MMP20: variants seen among roughly 807,000 people sequenced by gnomAD.
The protein encoded by MMP20 is matrix metalloproteinase-20.
In MMP20, 50 loss-of-function variants were observed where a neutral mutation model predicts 51.8. The observed-to-expected ratio is 0.97, with a 90% CI of 0.77 to 1.22. The LOEUF (loss-of-function observed/expected upper bound fraction) is 1.22. Among genes scored for constraint, MMP20 ranks in the 50% most tolerant of loss-of-function variants. MMP20 has a pLI of 0.00. For synonymous variants in MMP20, 244 were observed against 216.2 expected (o/e 1.13, Z -1.13); for missense variants, 663 against 601.4 (o/e 1.10, Z -1.07).
chr11:102,602,104 C>T (rs1291703765), intron 6 of MMP20, among the ~76,000 whole-genome samples: 3 of 139,872 alleles, frequency 2.1e-5, no homozygotes, highest in East Asian at 2.1e-4. Flanking sequence ...CGCCCACCAC[C>T]ACGCCCGGCT....
At chr11:102,612,805 C>T (rs1859620070) in intron 2 of MMP20, among the ~76,000 whole-genome samples, 1 of 142,740 alleles carries the variant, frequency 7.0e-6, no homozygotes, top group African/African-American at 2.6e-5. Context: ...GGCATGATCT[C>T]TGCTCACTGC....
chr11:102,592,721 A>T (rs1025423338), intron 8 of MMP20, among the ~76,000 whole-genome samples: 6 of 152,214 alleles, frequency 3.9e-5, no homozygotes, highest in African/African-American at 1.4e-4. Flanking sequence ...CAGGCAAAAA[A>T]GAGAAAACTG....
At chr11:102,581,642 G>A (rs1184130877) in intron 8 of MMP20, among the ~76,000 whole-genome samples, 1 of 152,306 alleles carries the variant, frequency 6.6e-6, no homozygotes, top group East Asian at 1.9e-4. Context: ...TGAATTCAGA[G>A]GACATGAAAT....
intron 8 of MMP20, among the ~76,000 whole-genome samples, chr11:102,583,025 T>C (rs1174520260): frequency 6.6e-6 from 1 of 152,224 alleles, no homozygotes; most frequent in Non-Finnish European, 1.5e-5. Flanking sequence ...GTTCAAGACC[T>C]GTATGTCCAA....
At chr11:102,584,349 C>T (rs77941986) in intron 8 of MMP20, among the ~76,000 whole-genome samples, 6,740 of 152,152 alleles carry the variant, frequency 0.044, 219 homozygotes, top group African/African-American at 0.09. Context: ...TATTTCACTG[C>T]GGGTTTCATT....
intron 6 of MMP20, among the ~76,000 whole-genome samples, chr11:102,601,473 C>G (rs914235278): frequency 6.6e-6 from 1 of 152,150 alleles, no homozygotes; most frequent in Admixed American, 6.5e-5. Flanking sequence ...TGCTGAATCT[C>G]TCTGGTTGTT....
At chr11:102,612,185 C>A (rs956717682) in intron 2 of MMP20, among the ~76,000 whole-genome samples, 2 of 152,136 alleles carry the variant, frequency 1.3e-5, no homozygotes, top group African/African-American at 4.8e-5. Context: ...AAATTTGTGG[C>A]CGGGCGCAGT....
chr11:102,617,112 A>G (rs1434493845), intron 1 of MMP20, 53 bp from the exon 2 acceptor site: 3 of 1,609,592 alleles, frequency 1.9e-6, no homozygotes, highest in Non-Finnish European at 2.6e-6. Context: ...GGAAATACTC[A>G]TGCTCAGGTA....
chr11:102,596,777 G>A (rs763540023), intron 6 of MMP20, among the ~76,000 whole-genome samples: 2 of 152,192 alleles, frequency 1.3e-5, no homozygotes, highest in Non-Finnish European at 1.5e-5. Context: ...GCTCAGTCTC[G>A]TGACCTCTGG....
chr11:102,585,391 T>C (rs1259599422), intron 8 of MMP20, among the ~76,000 whole-genome samples: 1 of 152,190 alleles, frequency 6.6e-6, no homozygotes, highest in African/African-American at 2.4e-5. Flanking sequence ...GCTTTCTTAA[T>C]TTCATTTTCA....
chr11:102,602,156 G>A (rs1859456484), intron 6 of MMP20, among the ~76,000 whole-genome samples: 1 of 126,696 alleles, frequency 7.9e-6, no homozygotes, highest in African/African-American at 3.0e-5. Flanking sequence ...TTTTAGTAGA[G>A]ACGGGGTTTC....
chr11:102,614,538 A>G (rs1013112928), intron 2 of MMP20, among the ~76,000 whole-genome samples: 6 of 152,266 alleles, frequency 3.9e-5, no homozygotes, highest in African/African-American at 1.4e-4. Flanking sequence ...TAAGAAAACT[A>G]TGAAAAGACT....
chr11:102,597,860 T>G (rs1859401111), intron 6 of MMP20, among the ~76,000 whole-genome samples: 1 of 152,096 alleles, frequency 6.6e-6, no homozygotes, highest in Non-Finnish European at 1.5e-5. Flanking sequence ...TTCCGCCTCC[T>G]GGGTTCAAGC....
chr11:102,594,527 T>TA, intron 7 of MMP20, 94 bp downstream of exon 7: 1 of 1,525,318 alleles, frequency 6.6e-7, no homozygotes, highest in East Asian at 2.3e-5. Context: ...ATGTGCTCCA[T>TA]GATGACTGGA....
At chr11:102,624,880 T>G in intron 1 of MMP20, among the ~76,000 whole-genome samples, 1 of 152,218 alleles carries the variant, frequency 6.6e-6, no homozygotes, top group East Asian at 1.9e-4. Flanking sequence ...TTTTTCCTCC[T>G]ACATCATTCC....
At chr11:102,615,751 ACT>A (rs1204901709) in intron 2 of MMP20, among the ~76,000 whole-genome samples, 5 of 151,266 alleles carry the variant, frequency 3.3e-5, no homozygotes, top group African/African-American at 7.3e-5. Flanking sequence ...CAGTCTGTCC[ACT>A]CTCTGCTGCT....
At chr11:102,619,945 C>T (rs912269438) in intron 1 of MMP20, among the ~76,000 whole-genome samples, 1 of 152,064 alleles carries the variant, frequency 6.6e-6, no homozygotes, top group African/African-American at 2.4e-5. Flanking sequence ...GAAACTATTC[C>T]TTCTTAAAAA....
At chr11:102,605,596 C>G (rs1311483911) in intron 6 of MMP20, among the ~76,000 whole-genome samples, 1 of 152,040 alleles carries the variant, frequency 6.6e-6, no homozygotes, top group Admixed American at 6.6e-5. Context: ...ACTTTTAGAG[C>G]TCATGTCTCA....
At chr11:102,579,010 T>C (rs1380057131) in intron 9 of MMP20, 29 bp downstream of exon 9, 2 of 1,492,256 alleles carry the variant, frequency 1.3e-6, no homozygotes, top group Non-Finnish European at 1.9e-6. Flanking sequence ...ATAGTTTTCA[T>C]GAAGAAAGTT....
Sources: allele counts gnomAD v4.1 joint callset (sites outside exome capture counted in the v4.1 genomes callset), GRCh38; gene constraint gnomAD v4.1.1; transcripts MANE v1.5; gene names NCBI Gene and HGNC (gene_info 2026-07-23, HGNC 2026-07-21).